Variants in PIWIL2 observed in about 807,000 individuals in gnomAD.
The protein encoded by PIWIL2 is piwi like RNA-mediated gene silencing 2, also known as piwi-like protein 2.
Under a neutral mutation model 116.5 loss-of-function variants are expected in PIWIL2, and 81 were observed. That is an observed-to-expected ratio of 0.70 (90% CI 0.58 to 0.84). The LOEUF (loss-of-function observed/expected upper bound fraction) is 0.84. Among genes scored for constraint, PIWIL2 ranks in the 40% least tolerant of loss-of-function variants. The pLI, the probability that PIWIL2 is intolerant of heterozygous loss-of-function variation, is 0.00. For missense variants in PIWIL2, 1,272 were observed against 1,212.3 expected (o/e 1.05, Z -0.73); for synonymous variants, 489 against 429.5 (o/e 1.14, Z -1.71).
chr8:22,329,219 A>G (rs967497040), intron 20 of PIWIL2, among the ~76,000 whole-genome samples: 2 of 152,216 alleles, frequency 1.3e-5, no homozygotes, highest in Admixed American at 1.3e-4. Context: ...AACTTTTAAC[A>G]GTCTTGTTCA....
intron 20 of PIWIL2, among the ~76,000 whole-genome samples, chr8:22,341,855 G>A (rs1832118037): frequency 6.6e-6 from 1 of 151,890 alleles, no homozygotes; most frequent in African/African-American, 2.4e-5. Flanking sequence ...ATCTTTGTTT[G>A]CAGATAGCAT....
intron 18 of PIWIL2, among the ~76,000 whole-genome samples, chr8:22,315,447 G>C (rs1007918998): frequency 2.6e-5 from 4 of 152,134 alleles, no homozygotes; most frequent in Admixed American, 2.0e-4. Flanking sequence ...CTCCTGAGTA[G>C]CTGGGATTAC....
intron 5 of PIWIL2, among the ~76,000 whole-genome samples, chr8:22,283,761 G>A (rs1437780695): frequency 1.3e-5 from 2 of 152,204 alleles, no homozygotes; most frequent in Non-Finnish European, 2.9e-5. Flanking sequence ...CATATAGCAT[G>A]CAACTAATGA....
At chr8:22,311,349 T>C in intron 16 of PIWIL2, 49 bp downstream of exon 16, 1 of 1,419,686 alleles carries the variant, frequency 7.0e-7, no homozygotes. Context: ...TTTAAATTAC[T>C]TAAATACTTA....
intron 20 of PIWIL2, among the ~76,000 whole-genome samples, chr8:22,328,929 T>C (rs1017863798): frequency 6.6e-6 from 1 of 151,556 alleles, no homozygotes; most frequent in African/African-American, 2.4e-5. Context: ...TTTTATTTCC[T>C]TTTCTTTCTT....
At chr8:22,309,346 A>G (rs936451940) in intron 14 of PIWIL2, among the ~76,000 whole-genome samples, 4 of 151,772 alleles carry the variant, frequency 2.6e-5, no homozygotes, top group Non-Finnish European at 5.9e-5. Flanking sequence ...TATTTATTTA[A>G]AAAAGTTTTT....
Position 22,305,919 on chromosome 8 carries a change from C to T in PIWIL2, c.1456-8C>T, listed in dbSNP as rs774624158. The T allele has an allele frequency of 1.2e-5, 20 of 1,609,728 alleles. No homozygotes were observed. The highest frequency in any genetic ancestry group is 3.3e-4 in the Middle Eastern group (2 of 6,068). Reference sequence around the variant, plus strand: ...GCCTTATTTTCCCTCTTCGTTCTCTCTTCAAAGCTGCTAAAAGGGGAAATC... The same window carrying T: ...GCCTTATTTTCCCTCTTCGTTCTCTTTTCAAAGCTGCTAAAAGGGGAAATC... On this transcript the variant is annotated splice_region_variant and splice_polypyrimidine_tract_variant and intron_variant, in intron 12 of 22. Coordinates refer to ENST00000356766, the MANE Select transcript of PIWIL2 (RefSeq NM_018068.5).
chr8:22,316,211 G>T, intron 18 of PIWIL2, 34 bp from the exon 19 acceptor site: 1 of 1,346,088 alleles, frequency 7.4e-7, no homozygotes, highest in Non-Finnish European at 1.1e-6. Context: ...GCTCAGGTCT[G>T]GGGTTTGGTT....
At chr8:22,333,572 A>G (rs958507668) in intron 20 of PIWIL2, among the ~76,000 whole-genome samples, 10 of 152,128 alleles carry the variant, frequency 6.6e-5, no homozygotes, top group Admixed American at 4.6e-4. Flanking sequence ...ATATCACGCC[A>G]TTCAACTCCA....
intron 10 of PIWIL2, among the ~76,000 whole-genome samples, chr8:22,294,166 T>G (rs776517073): frequency 6.6e-6 from 1 of 150,574 alleles, no homozygotes; most frequent in Non-Finnish European, 1.5e-5. Context: ...GGTGAAACCC[T>G]GTCTCTGCTA....
chr8:22,306,589 G>A (rs887582246), intron 13 of PIWIL2, among the ~76,000 whole-genome samples: 1 of 152,056 alleles, frequency 6.6e-6, no homozygotes. Context: ...GAGCCGGCCC[G>A]CCACACTCTG....
chr8:22,311,668 T>C (rs572966408), intron 16 of PIWIL2, among the ~76,000 whole-genome samples: 2 of 152,344 alleles, frequency 1.3e-5, no homozygotes, highest in South Asian at 2.1e-4. Context: ...TGGTTCAAGA[T>C]TAAAATTACT....
chr8:22,340,564 A>G (rs558424397), intron 20 of PIWIL2, among the ~76,000 whole-genome samples: 7 of 152,326 alleles, frequency 4.6e-5, no homozygotes, highest in East Asian at 1.9e-4. Context: ...ACACAGAGAC[A>G]TAGGGAGAAC....
rs766220460 is a variant in PIWIL2, at chr8:22,279,690, C to T, written c.198+106C>T. On this transcript the variant is annotated intron_variant, in intron 2 of 22. Coordinates refer to ENST00000356766, the MANE Select transcript of PIWIL2 (RefSeq NM_018068.5). ...TTGCAGGGCTGGGCACGGTGGCTCACGCCTGTAATCCCAGCACTTTGGGAG... is the reference window on the plus strand; with the variant it reads ...TTGCAGGGCTGGGCACGGTGGCTCATGCCTGTAATCCCAGCACTTTGGGAG... 269 of 1,042,110 alleles carry T rather than the reference C, an allele frequency of 2.6e-4. 2 individuals are homozygous for T. The Middle Eastern group carries it at 4.6e-3, about 18-fold the overall frequency. 64.6% of individuals were successfully genotyped at this position (1,042,110 alleles called of 1,614,324 possible).
chr8:22,334,999 G>A (rs990678695), intron 20 of PIWIL2, among the ~76,000 whole-genome samples: 12 of 149,884 alleles, frequency 8.0e-5, no homozygotes, highest in African/African-American at 2.7e-4. Flanking sequence ...AGGTTGCAGC[G>A]AGCCAACATT....
intron 20 of PIWIL2, among the ~76,000 whole-genome samples, chr8:22,329,109 A>C (rs897603241): frequency 3.9e-5 from 6 of 152,044 alleles, no homozygotes; most frequent in Non-Finnish European, 5.9e-5. Flanking sequence ...GTTTTTCATA[A>C]ATTTCCTTTA....
rs1226225050 is a variant in PIWIL2 at position 22,305,983 on chromosome 8, A to G, written c.1512A>G (p.Pro504=). The G allele has an allele frequency of 8.7e-6, 14 of 1,613,888 alleles. No homozygotes were observed. Among genetic ancestry groups the G allele is most frequent in the Middle Eastern group, 1.6e-4 (1 of 6,082 alleles). Residue 504 remains proline (P), a synonymous_variant, in exon 13 of 23, where the codon CCA becomes CCG. Transcript: ENST00000356766. ...LPELSFMTGI[P]EKMKKDFRAM... is the part of the protein sequence containing the mutation. ...AGCTTTCTTTTATGACCGGAATCCCAGAGAAGATGAAGAAGGACTTCAGAG... is the reference window on the plus strand; with the variant it reads ...AGCTTTCTTTTATGACCGGAATCCCGGAGAAGATGAAGAAGGACTTCAGAG...
intron 20 of PIWIL2, among the ~76,000 whole-genome samples, chr8:22,350,817 T>C (rs1436090584): frequency 6.6e-6 from 1 of 150,760 alleles, no homozygotes; most frequent in Non-Finnish European, 1.5e-5. Context: ...CTGGGCAACA[T>C]AGTGAGACCC....
At chr8:22,334,857 C>T (rs527938808) in intron 20 of PIWIL2, among the ~76,000 whole-genome samples, 4 of 152,142 alleles carry the variant, frequency 2.6e-5, no homozygotes, top group African/African-American at 9.6e-5. Flanking sequence ...GAGTTCGAGA[C>T]CAGCCTGGCC....
Sources: gnomAD v4.1 joint callset for allele counts (sites outside exome capture counted in the v4.1 genomes callset) on GRCh38, gnomAD v4.1.1 for gene constraint, MANE v1.5 for transcripts, NCBI Gene and HGNC (gene_info 2026-07-23, HGNC 2026-07-21) for gene names.